The following PCDH11Y variants were observed in gnomAD, a reference collection of about 807,000 sequenced individuals.
PCDH11Y encodes protocadherin-11 Y-linked.
For synonymous variants in PCDH11Y, 9 were observed against 83.6 expected, an observed-to-expected ratio of 0.11 and a Z score of 4.87; for missense variants, 12 against 224.8, an observed-to-expected ratio of 0.05 and a Z score of 6.05.
chrY:5,608,676 G>T (rs1569348864), intron 4 of PCDH11Y, among the ~76,000 whole-genome samples: 23 of 13,457 alleles, frequency 1.7e-3, no homozygotes, highest in Non-Finnish European at 6.0e-4. Context: ...TCAGAATGAT[G>T]CTGGCCTCAT....
chrY:5,018,258 T>G, intron 1 of PCDH11Y, among the ~76,000 whole-genome samples: 1 of 31,088 alleles, frequency 3.2e-5, no homozygotes, highest in Non-Finnish European at 7.7e-5. Context: ...TAAAACTAGA[T>G]TTTCTCCTTT....
At position 5,201,979 on chromosome Y, in the gene PCDH11Y, T is replaced by C. The variant is rs202191849; in HGVS notation, c.3129+101272T>C. On this transcript the variant is annotated intron_variant, in intron 2 of 4. Transcript: ENST00000400457. ...AAAGAAAGAAATACCCCAAACCACATTGACTTATAACTGTATCTATGCAGG... is the reference window on the plus strand; with the variant it reads ...AAAGAAAGAAATACCCCAAACCACACTGACTTATAACTGTATCTATGCAGG... Among the ~76,000 whole-genome samples the C allele has an allele frequency of 3.1e-3, 106 of 33,771 alleles. No individual in the cohort carries two copies. In the East Asian group the frequency reaches 0.081, roughly 26 times the overall value. 90.6% of individuals were successfully genotyped at this position (33,771 alleles called of 37,273 possible).
intron 2 of PCDH11Y, among the ~76,000 whole-genome samples, chrY:5,411,748 A>G: frequency 3.1e-5 from 1 of 32,299 alleles, no homozygotes; most frequent in Non-Finnish European, 7.5e-5. Flanking sequence ...GGTTGTAGGT[A>G]TGCGGCTTTA....
At chrY:5,241,484 A>G (rs2052988239) in intron 2 of PCDH11Y, among the ~76,000 whole-genome samples, 1 of 26,036 alleles carries the variant, frequency 3.8e-5, no homozygotes, top group Non-Finnish European at 8.9e-5. Flanking sequence ...TTTAAATGAG[A>G]GACATGTGAC....
At chrY:5,437,997 T>C in intron 2 of PCDH11Y, among the ~76,000 whole-genome samples, 1 of 32,736 alleles carries the variant, frequency 3.1e-5, no homozygotes, top group Non-Finnish European at 7.5e-5. Context: ...ACAGTTTCAA[T>C]TTTTTTTCCA....
At chrY:5,389,946 A>T in intron 2 of PCDH11Y, among the ~76,000 whole-genome samples, 2 of 30,853 alleles carry the variant, frequency 6.5e-5, no homozygotes, top group South Asian at 1.6e-3. Flanking sequence ...TATTTTCATG[A>T]TGGTATTATA....
intron 3 of PCDH11Y, among the ~76,000 whole-genome samples, chrY:5,545,556 T>G (rs2053412237): frequency 3.0e-5 from 1 of 32,822 alleles, no homozygotes; most frequent in East Asian, 8.0e-4. Flanking sequence ...TTACAAGATA[T>G]GAGTGACATC....
At chrY:5,143,477 C>G in intron 2 of PCDH11Y, among the ~76,000 whole-genome samples, 1 of 33,243 alleles carries the variant, frequency 3.0e-5, no homozygotes, top group Non-Finnish European at 7.5e-5. Flanking sequence ...ACACATTCAA[C>G]AAACCTGATG....
At chrY:5,655,241 G>A in intron 4 of PCDH11Y, among the ~76,000 whole-genome samples, 1 of 28,098 alleles carries the variant, frequency 3.6e-5, no homozygotes, top group Non-Finnish European at 8.4e-5. Context: ...ATAAGTTTGT[G>A]TTCCTCATAG....
chrY:5,189,133 G>A (rs2124648026), intron 2 of PCDH11Y, among the ~76,000 whole-genome samples: 11 of 33,361 alleles, frequency 3.3e-4, no homozygotes, highest in Admixed American at 2.8e-3. Flanking sequence ...AATGCATGTC[G>A]TGTTAACCTG....
intron 2 of PCDH11Y, among the ~76,000 whole-genome samples, chrY:5,348,260 A>T (rs2124669943): frequency 3.2e-5 from 1 of 30,776 alleles, no homozygotes; most frequent in African/African-American, 1.3e-4. Flanking sequence ...ATCTTTACTG[A>T]TATCACACTA....
At chrY:5,589,427 C>T in intron 4 of PCDH11Y, among the ~76,000 whole-genome samples, 1 of 33,413 alleles carries the variant, frequency 3.0e-5, no homozygotes, top group Non-Finnish European at 7.4e-5. Context: ...ACTTCTGTTA[C>T]CTTGTAAGTT....
At chrY:5,358,772 CTT>C (rs2053171430) in intron 2 of PCDH11Y, among the ~76,000 whole-genome samples, 2 of 31,856 alleles carry the variant, frequency 6.3e-5, no homozygotes, top group Non-Finnish European at 1.5e-4. Context: ...AGAGGGATGA[CTT>C]TGAGTTCTGC....
intron 1 of PCDH11Y, among the ~76,000 whole-genome samples, chrY:5,097,831 C>A: frequency 1.2e-4 from 4 of 32,843 alleles, no homozygotes; most frequent in Non-Finnish European, 3.0e-4. Flanking sequence ...ATTAAAAAAA[C>A]TGAAATAGTT....
At chrY:5,462,651 T>A (rs1602929011) in intron 2 of PCDH11Y, among the ~76,000 whole-genome samples, 1 of 31,497 alleles carries the variant, frequency 3.2e-5, no homozygotes, top group Non-Finnish European at 7.7e-5. Context: ...TATTATTATT[T>A]TTGAGACGGA....
At chrY:5,386,036 T>C in intron 2 of PCDH11Y, among the ~76,000 whole-genome samples, 2 of 33,478 alleles carry the variant, frequency 6.0e-5, no homozygotes, top group African/African-American at 2.3e-4. Flanking sequence ...GCAGTTCCTG[T>C]AGTGCTGGCT....
intron 2 of PCDH11Y, among the ~76,000 whole-genome samples, chrY:5,264,270 C>T (rs2053023133): frequency 3.0e-5 from 1 of 33,508 alleles, no homozygotes; most frequent in African/African-American, 1.2e-4. Context: ...TTATGCTGTA[C>T]CCCACTGTGG....
chrY:5,107,237 A>G (rs2052792677), downstream of PCDH11Y, among the ~76,000 whole-genome samples: 271 of 33,545 alleles, frequency 8.1e-3, no homozygotes, highest in African/African-American at 0.028. Flanking sequence ...TGGGTGCTGT[A>G]TTTGAAGAAG....
chrY:5,037,519 A>C, intron 3 of PCDH11Y: 1 of 111,453 alleles, frequency 9.0e-6, no homozygotes, highest in Non-Finnish European at 1.9e-5. Flanking sequence ...CAGTGAGCCA[A>C]GATTTCACCA....
Sources: allele counts gnomAD v4.1 joint callset (sites outside exome capture counted in the v4.1 genomes callset), GRCh38; gene constraint gnomAD v4.1.1; transcripts MANE v1.5; gene names NCBI Gene and HGNC (gene_info 2026-07-23, HGNC 2026-07-21).